Variants in ADA2 observed in about 807,000 individuals in gnomAD.
ADA2 encodes the protein adenosine deaminase CECR1.
A neutral mutation model predicts 44.2 loss-of-function variants in ADA2; 29 were observed. That is an observed-to-expected ratio of 0.66 (90% CI 0.49 to 0.89). The LOEUF (loss-of-function observed/expected upper bound fraction) is 0.89. Among genes scored for constraint, ADA2 ranks in the 40% least tolerant of loss-of-function variants. The probability of loss-of-function intolerance (pLI) is 0.00; values close to 1 mark genes in which losing one functional copy is unlikely to be tolerated. For missense variants in ADA2, 637 were observed against 644.8 expected, an observed-to-expected ratio of 0.99 and a Z score of 0.13; for synonymous variants, 215 against 234.9, an observed-to-expected ratio of 0.92 and a Z score of 0.77.
At chr22:17,192,596 G>A (rs1422364173) in intron 4 of ADA2, among the ~76,000 whole-genome samples, 1 of 152,112 alleles carries the variant, frequency 6.6e-6, no homozygotes, top group East Asian at 1.9e-4. Flanking sequence ...GGGAGGCCGA[G>A]GCAGGGGGAT....
rs373797039 is a variant in ADA2 at position 17,181,876 on chromosome 22, A to G, written c.1386T>C (p.Ile462=). The G allele has an allele frequency of 1.0e-4, 165 of 1,614,116 alleles. No homozygotes were observed. The highest frequency in any genetic ancestry group is 1.7e-4 in the Middle Eastern group (1 of 6,024). ...SYDFYEVFMG[I]GGMKADLRTL... is the part of the protein sequence containing the mutation. ...TCCTCAGGTCAGCCTTCATCCCCCC[A>G]ATGCCCATGAAGACCTCATAGAAAT... The change falls in exon 9 of 10, where the codon ATT becomes ATC. Residue 462 remains isoleucine, a synonymous_variant. Transcript: ENST00000399837.
In ADA2 at chr22:17,218,279, A is replaced by C. The variant is rs188094659; in HGVS notation, c.-47+1077T>G. Among the ~76,000 whole-genome samples the C allele has an allele frequency of 2.0e-5, 3 of 152,332 alleles. No homozygotes were observed. In the East Asian group the frequency reaches 5.8e-4, roughly 29 times the overall value. ...GTTTGCTACTCATTAAATCATTTTAATATCCAAGATTCTTCCCAGCTCAGT... is the reference window on the plus strand; with the variant it reads ...GTTTGCTACTCATTAAATCATTTTACTATCCAAGATTCTTCCCAGCTCAGT... On this transcript the variant is annotated intron_variant, in intron 1 of 9. Coordinates refer to ENST00000399837, the MANE Select transcript of ADA2 (RefSeq NM_001282225.2).
intron 4 of ADA2, among the ~76,000 whole-genome samples, chr22:17,195,810 G>A (rs958610204): frequency 2.0e-5 from 3 of 150,442 alleles, no homozygotes; most frequent in African/African-American, 7.3e-5. Flanking sequence ...ACCCAGGCTG[G>A]AGTGCAGTGG....
At chr22:17,198,197 G>A (rs2062218381) in intron 4 of ADA2, among the ~76,000 whole-genome samples, 1 of 152,188 alleles carries the variant, frequency 6.6e-6, no homozygotes, top group Non-Finnish European at 1.5e-5. Context: ...TCACTAGAGT[G>A]ACATCTCAGC....
chr22:17,199,446 T>TCCCTCCCCTCCTCAATCCACTTCCCCA, intron 4 of ADA2: 2 of 917,628 alleles, frequency 2.2e-6, no homozygotes, highest in Non-Finnish European at 1.7e-6. Context: ...CCTCTTCCCC[T>TCCCTCCCCTCCTCAATCCACTTCCCCA]CCACCCACGA....
Position 17,199,502 on chromosome 22 carries a change from C to T in ADA2, c.753+4061G>A, listed in dbSNP as rs113315702. ...GGTCGGAGTTCCCTATGCACTCCCA[C>T]ACCAAGACAGTTGTCAGGATTTGCC... is the stretch of plus-strand genomic sequence containing the variant. On this transcript the variant is annotated intron_variant, in intron 4 of 9. Transcript: ENST00000399837. The T allele has an allele frequency of 7.2e-4, 1,093 of 1,520,262 alleles. 9 individuals carry two copies. The African/African-American group carries it at 0.012, about 16-fold the overall frequency. 94.2% of individuals were successfully genotyped at this position (1,520,262 alleles called of 1,614,324 possible).
upstream of ADA2, among the ~76,000 whole-genome samples, chr22:17,220,132 T>C (rs2062512489): frequency 6.6e-6 from 1 of 152,008 alleles, no homozygotes; most frequent in Non-Finnish European, 1.5e-5. Context: ...TTCCTCAAAA[T>C]GTGATTGTGG....
chr22:17,199,188 G>C (rs756018314), intron 4 of ADA2, among the ~76,000 whole-genome samples: 1 of 151,940 alleles, frequency 6.6e-6, no homozygotes, highest in Non-Finnish European at 1.5e-5. Context: ...GCTGGGGGAC[G>C]GGCGGAGACG....
chr22:17,199,777 C>G, intron 4 of ADA2: 1 of 1,432,098 alleles, frequency 7.0e-7, no homozygotes, highest in Non-Finnish European at 9.1e-7. Flanking sequence ...GCTTTAGTTT[C>G]GACATCAATA....
chr22:17,193,535 C>T (rs1052462997), intron 4 of ADA2, among the ~76,000 whole-genome samples: 6 of 151,156 alleles, frequency 4.0e-5, no homozygotes, highest in Non-Finnish European at 8.8e-5. Flanking sequence ...TGTGGTGGTG[C>T]GTGCCTGTAG....
At chr22:17,214,155 A>AT (rs1348836969) in intron 1 of ADA2, 3 of 726,578 alleles carry the variant, frequency 4.1e-6, no homozygotes, top group South Asian at 2.8e-5. Context: ...GCTGGACGAA[A>AT]TAGCCGCCTG....
chr22:17,221,568 A>G (rs2062523801), upstream of ADA2, among the ~76,000 whole-genome samples: 1 of 152,064 alleles, frequency 6.6e-6, no homozygotes, highest in African/African-American at 2.4e-5. Flanking sequence ...TAATTTTCAC[A>G]TCTCCGAAGG....
intron 1 of ADA2, chr22:17,209,960 G>C (rs2062401013): frequency 5.5e-6 from 2 of 365,410 alleles, no homozygotes; most frequent in Non-Finnish European, 4.9e-6. Flanking sequence ...GTGCAATCTC[G>C]GCTCACTGCG....
intron 4 of ADA2, chr22:17,192,884 A>G: frequency 2.0e-6 from 1 of 499,832 alleles, no homozygotes; most frequent in Non-Finnish European, 3.7e-6. Flanking sequence ...CAGAAGTGGC[A>G]GCCATCTCCT....
chr22:17,194,771 C>CTAT (rs1411309867), intron 4 of ADA2, among the ~76,000 whole-genome samples: 1 of 151,548 alleles, frequency 6.6e-6, no homozygotes, highest in Admixed American at 6.6e-5. Context: ...CTAGTATTGT[C>CTAT]TATTATTATT....
intron 4 of ADA2, among the ~76,000 whole-genome samples, chr22:17,200,216 A>C (rs2062261312): frequency 6.6e-6 from 1 of 152,080 alleles, no homozygotes; most frequent in Non-Finnish European, 1.5e-5. Context: ...AAACACAAGA[A>C]TCACCTGCTC....
At chr22:17,213,050 G>T (rs771493636) in intron 1 of ADA2, among the ~76,000 whole-genome samples, 5 of 150,904 alleles carry the variant, frequency 3.3e-5, no homozygotes, top group African/African-American at 1.2e-4. Flanking sequence ...TCTACCTCCC[G>T]ACATTCTGGG....
At chr22:17,183,721 C>T (rs887778081) in intron 7 of ADA2, among the ~76,000 whole-genome samples, 10 of 152,138 alleles carry the variant, frequency 6.6e-5, no homozygotes, top group African/African-American at 2.2e-4. Flanking sequence ...CTAGGCCTCC[C>T]AAAGTGCTGT....
chr22:17,194,721 G>A (rs1266447877), intron 4 of ADA2, among the ~76,000 whole-genome samples: 16 of 151,982 alleles, frequency 1.1e-4, no homozygotes, highest in African/African-American at 2.9e-4. Flanking sequence ...CTGCCAGAGC[G>A]TGCCAGAAGG....
Sources: allele counts gnomAD v4.1 joint callset (sites outside exome capture counted in the v4.1 genomes callset), GRCh38; gene constraint gnomAD v4.1.1; transcripts MANE v1.5; gene names NCBI Gene and HGNC (gene_info 2026-07-23, HGNC 2026-07-21).